RPTOR: variants seen among roughly 807,000 people sequenced by gnomAD.
The protein encoded by RPTOR is regulatory associated protein of MTOR complex 1, also known as regulatory-associated protein of mTOR.
A neutral mutation model predicts 169.9 loss-of-function variants in RPTOR; 21 were observed. The observed-to-expected ratio is 0.12, with a 90% CI of 0.09 to 0.18. The LOEUF is 0.18. Among genes scored for constraint, RPTOR ranks in the 10% least tolerant of loss-of-function variants. The pLI is 1.00. For synonymous variants in RPTOR, 732 were observed against 753.2 expected, an observed-to-expected ratio of 0.97 and a Z score of 0.46; for missense variants, 1,133 against 1,855.9, an observed-to-expected ratio of 0.61 and a Z score of 7.16.
chr17:80,930,412 GCTCATC>G (rs2068877378), intron 24 of RPTOR, among the ~76,000 whole-genome samples: 2 of 9,224 alleles, frequency 2.2e-4, no homozygotes, highest in African/African-American at 4.7e-4. Flanking sequence ...CTCATCCCCA[GCTCATC>G]CTCAGCTCAT....
At chr17:80,868,402 T>C (rs1025929962) in intron 13 of RPTOR, among the ~76,000 whole-genome samples, 2 of 152,052 alleles carry the variant, frequency 1.3e-5, no homozygotes, top group Non-Finnish European at 2.9e-5. Context: ...ACCAAGTAGA[T>C]GCCAGAAATG....
intron 7 of RPTOR, among the ~76,000 whole-genome samples, chr17:80,796,027 C>T (rs1287522538): frequency 6.6e-6 from 1 of 152,206 alleles, no homozygotes; most frequent in African/African-American, 2.4e-5. Context: ...TGCCCTGGCC[C>T]CACCACAGTT....
intron 9 of RPTOR, among the ~76,000 whole-genome samples, chr17:80,824,488 AAGAGTATATTC>A (rs2067417117): frequency 6.6e-6 from 1 of 152,352 alleles, no homozygotes; most frequent in South Asian, 2.1e-4. Context: ...GCATTTTTGA[AAGAGTATATTC>A]TCAAAATGGC....
chr17:80,799,788 G>A (rs964988484), intron 7 of RPTOR, among the ~76,000 whole-genome samples: 8 of 151,630 alleles, frequency 5.3e-5, no homozygotes, highest in South Asian at 2.1e-4. Context: ...CCTCCCCGGC[G>A]ACCCTCGTTG....
chr17:80,792,357 C>A (rs979039399), intron 7 of RPTOR, among the ~76,000 whole-genome samples: 1 of 152,174 alleles, frequency 6.6e-6, no homozygotes, highest in Non-Finnish European at 1.5e-5. Flanking sequence ...CCAAGTTTCT[C>A]TTGTAAAAAC....
At position 80,738,362 on chromosome 17, in the gene RPTOR, C is replaced by G. The variant is rs1454248168; in HGVS notation, c.654+7656C>G. On this transcript the variant is annotated intron_variant, in intron 5 of 33. Transcript: ENST00000306801. The stretch of plus-strand genomic sequence containing the variant: ...TTTGCTGCTTCTCTGTGCCCATGCA[C>G]CATCCCTTTCTGTGGTTTGCACGGG... Among the ~76,000 whole-genome samples, 4 of 152,238 alleles carry G rather than the reference C, an allele frequency of 2.6e-5. No homozygotes were observed. In the East Asian group the frequency reaches 7.7e-4, roughly 29 times the overall value.
chr17:80,904,084 G>A (rs563596950), intron 20 of RPTOR, among the ~76,000 whole-genome samples: 53 of 152,334 alleles, frequency 3.5e-4, no homozygotes, highest in African/African-American at 5.5e-4. Context: ...CACCCGGCCC[G>A]GGAGGTGCTG....
intron 3 of RPTOR, among the ~76,000 whole-genome samples, chr17:80,666,494 G>A (rs151048348): frequency 6.6e-6 from 1 of 152,144 alleles, no homozygotes; most frequent in African/African-American, 2.4e-5. Context: ...AGTGTAGGAA[G>A]GGCGCAAGGA....
intron 21 of RPTOR, among the ~76,000 whole-genome samples, chr17:80,912,918 C>G (rs976014345): frequency 2.1e-4 from 32 of 152,128 alleles, no homozygotes; most frequent in Non-Finnish European, 1.8e-4. Flanking sequence ...CATGCCACAG[C>G]CAGAGGGGTG....
At chr17:80,644,815 A>G (rs1279945363) in intron 3 of RPTOR, among the ~76,000 whole-genome samples, 15 of 152,274 alleles carry the variant, frequency 9.9e-5, no homozygotes, top group African/African-American at 2.6e-4. Context: ...CCCTTAGGTC[A>G]TTTCTGCTGT....
At chr17:80,593,863 C>T (rs909511395) in intron 1 of RPTOR, 2 of 151,834 alleles carry the variant, frequency 1.3e-5, no homozygotes, top group Non-Finnish European at 2.9e-5. Flanking sequence ...ATGAGAAGAC[C>T]CTCATTTCAA....
intron 13 of RPTOR, among the ~76,000 whole-genome samples, chr17:80,865,865 C>T (rs2067983973): frequency 1.3e-5 from 2 of 152,128 alleles, no homozygotes; most frequent in African/African-American, 4.8e-5. Flanking sequence ...GGCTGTGCCA[C>T]GATAGGCCCG....
intron 6 of RPTOR, among the ~76,000 whole-genome samples, chr17:80,787,726 T>C (rs529407847): frequency 2.0e-5 from 3 of 152,310 alleles, no homozygotes; most frequent in African/African-American, 4.8e-5. Context: ...TAGAATGATA[T>C]CTCGTGTAGC....
chr17:80,793,706 C>T (rs957943290), intron 7 of RPTOR, among the ~76,000 whole-genome samples: 4 of 152,230 alleles, frequency 2.6e-5, no homozygotes, highest in Admixed American at 6.5e-5. Context: ...GCCCTGCCAG[C>T]GCGTGTTGAG....
intron 24 of RPTOR, among the ~76,000 whole-genome samples, chr17:80,929,735 G>T (rs1210935861): frequency 6.6e-6 from 1 of 152,212 alleles, no homozygotes; most frequent in Non-Finnish European, 1.5e-5. Context: ...AGCGACTTGA[G>T]ATGGCCATAG....
At chr17:80,877,223 GAGAGTCCACCCC>G (rs1276698042) in intron 13 of RPTOR, among the ~76,000 whole-genome samples, 2 of 152,244 alleles carry the variant, frequency 1.3e-5, no homozygotes, top group African/African-American at 4.8e-5. Flanking sequence ...CAGCAGCCGA[GAGAGTCCACCCC>G]AGTCCCCCTA....
intron 3 of RPTOR, among the ~76,000 whole-genome samples, chr17:80,705,489 T>A (rs1310272097): frequency 2.6e-5 from 4 of 152,222 alleles, no homozygotes; most frequent in Admixed American, 2.6e-4. Flanking sequence ...ATACATCTAC[T>A]GATGACTTCC....
chr17:80,958,771 A>G (rs1009240206), intron 29 of RPTOR, among the ~76,000 whole-genome samples: 1 of 152,212 alleles, frequency 6.6e-6, no homozygotes, highest in African/African-American at 2.4e-5. Context: ...AAAGCGGAGT[A>G]CATTGGTTTT....
chr17:80,617,356 A>G (rs2065319554), intron 1 of RPTOR, among the ~76,000 whole-genome samples: 1 of 152,242 alleles, frequency 6.6e-6, no homozygotes, highest in Non-Finnish European at 1.5e-5. Flanking sequence ...CTGAGATACA[A>G]TTCACATACC....
Sources: gnomAD v4.1 joint callset for allele counts (sites outside exome capture counted in the v4.1 genomes callset) on GRCh38, gnomAD v4.1.1 for gene constraint, MANE v1.5 for transcripts, NCBI Gene and HGNC (gene_info 2026-07-23, HGNC 2026-07-21) for gene names.